Variants in TAF15 observed in about 807,000 individuals in gnomAD.
The protein encoded by TAF15 is TATA-binding protein-associated factor 2N.
Under a neutral mutation model 102.5 loss-of-function variants are expected in TAF15, and 37 were observed. The observed-to-expected ratio is 0.36, with a 90% confidence interval of 0.28 to 0.47. The LOEUF is 0.47. Among genes scored for constraint, TAF15 ranks in the 20% least tolerant of loss-of-function variants. The pLI is 0.99. For synonymous variants in TAF15, 273 were observed against 259.2 expected (o/e 1.05, Z -0.51); for missense variants, 652 against 760.7 (o/e 0.86, Z 1.68).
At chr17:35,838,788 A>G (rs1359836784) in intron 11 of TAF15, among the ~76,000 whole-genome samples, 3 of 152,222 alleles carry the variant, frequency 2.0e-5, no homozygotes, top group African/African-American at 7.2e-5. Flanking sequence ...ACAGATGTAG[A>G]GAGTTGGCCT....
intron 7 of TAF15, chr17:35,833,704 A>T (rs886243242): frequency 1.5e-5 from 9 of 585,178 alleles, no homozygotes. Flanking sequence ...GCTTGAAAAG[A>T]CATCTTGTGG....
chr17:35,813,383 C>A (rs553485635), intron 1 of TAF15, among the ~76,000 whole-genome samples: 1 of 152,166 alleles, frequency 6.6e-6, no homozygotes, highest in Admixed American at 6.5e-5. Flanking sequence ...CCTATAATCC[C>A]AGCACTTTAA....
intron 10 of TAF15, 117 bp downstream of exon 10, chr17:35,836,358 C>T (rs894938178): frequency 8.3e-6 from 6 of 723,952 alleles, no homozygotes; most frequent in Non-Finnish European, 1.4e-5. Flanking sequence ...TTTTGTGATG[C>T]ACATGCTCGT....
chr17:35,828,742 C>T (rs2087361001), intron 7 of TAF15, among the ~76,000 whole-genome samples: 1 of 151,028 alleles, frequency 6.6e-6, no homozygotes, highest in East Asian at 1.9e-4. Flanking sequence ...GGTCAAATTC[C>T]ATTTCCCCCT....
At chr17:35,830,365 TC>T (rs1217138111) in intron 7 of TAF15, 3 of 152,240 alleles carry the variant, frequency 2.0e-5, no homozygotes, top group African/African-American at 7.2e-5. Context: ...ATATTGTGTT[TC>T]TGTTAAATAT....
Position 35,844,630 on chromosome 17 carries a change from G to A in TAF15, c.1331G>A (p.Gly444Asp). The A allele has an allele frequency of 1.9e-6, 3 of 1,605,098 alleles. No individual in the cohort carries two copies. The highest frequency in any genetic ancestry group is 2.6e-6 in the Non-Finnish European group (3 of 1,174,872). The change falls in exon 15 of 16, where the codon GGC becomes GAC. Residue 444 changes from glycine (G) to aspartate (D), a missense_variant. By Grantham distance (94) the Gly-to-Asp change is moderately conservative. Coordinates refer to ENST00000605844, the MANE Select transcript of TAF15 (RefSeq NM_139215.3). ...GGCTACAGCGGAGATAGAAGTGGGG[G>A]CGGCTATGGTGGAGACAGAAGTGGG... ...GGGYSGDRSG[G>D]GYGGDRSGGG...
rs748485870 is a variant in TAF15, at chr17:35,820,018, T to C, written c.48-6T>C. 1.2e-6 allele frequency: 2 copies of C among 1,613,574 alleles called. No homozygotes were observed. The highest frequency in any genetic ancestry group is 2.2e-5 in the East Asian group (1 of 44,880). On this transcript the variant is annotated splice_region_variant and splice_polypyrimidine_tract_variant and intron_variant, in intron 2 of 15. Transcript: ENST00000605844. ...TTCTTTCAAGTATTAAATTTTTCTTTTGCAGTTATTCTACCTATGGAAATC... is the reference window on the plus strand; with the variant it reads ...TTCTTTCAAGTATTAAATTTTTCTTCTGCAGTTATTCTACCTATGGAAATC...
At chr17:35,821,254 G>A (rs2087254763) in intron 5 of TAF15, among the ~76,000 whole-genome samples, 1 of 152,168 alleles carries the variant, frequency 6.6e-6, no homozygotes, top group Non-Finnish European at 1.5e-5. Flanking sequence ...AGATGTGAGA[G>A]TGTTTTGAAA....
At chr17:35,823,690 G>A in intron 6 of TAF15, 1 of 292,334 alleles carries the variant, frequency 3.4e-6, no homozygotes, top group Non-Finnish European at 6.5e-6. Flanking sequence ...GGGCTACAGA[G>A]CGAGACTCTT....
intron 7 of TAF15, among the ~76,000 whole-genome samples, chr17:35,831,813 TG>T (rs1261119661): frequency 8.5e-5 from 13 of 152,308 alleles, no homozygotes; most frequent in African/African-American, 3.1e-4. Flanking sequence ...CCGGGCGTGG[TG>T]GCTCACACCT....
At chr17:35,817,098 G>C (rs147389890) in intron 1 of TAF15, 1 of 152,372 alleles carries the variant, frequency 6.6e-6, no homozygotes. Context: ...CACCATGCCC[G>C]GTCCCTTGGT....
intron 9 of TAF15, 127 bp downstream of exon 9, chr17:35,834,725 T>C (rs2087450883): frequency 6.3e-6 from 4 of 636,914 alleles, no homozygotes; most frequent in Non-Finnish European, 8.0e-6. Flanking sequence ...CTGCCAGAAC[T>C]GGGGAGCTTT....
At chr17:35,843,973 C>A in intron 12 of TAF15, 104 bp from the exon 13 acceptor site, 1 of 1,002,448 alleles carries the variant, frequency 1.0e-6, no homozygotes, top group Non-Finnish European at 1.6e-6. Flanking sequence ...TTGCAGAGTG[C>A]TGCCTAAGTA....
intron 15 of TAF15, among the ~76,000 whole-genome samples, chr17:35,845,531 C>T (rs904819378): frequency 2.0e-5 from 3 of 152,216 alleles, no homozygotes; most frequent in African/African-American, 7.2e-5. Context: ...GTTTGGATTA[C>T]AGATGTGAGC....
Position 35,836,349 on chromosome 17 carries a change from T to C in TAF15, c.783+108T>C. Reference sequence around the variant, plus strand: ...TTCAGTACGCCTTGTCTCTTAAAATTTTGTGATGCACATGCTCGTTTATGT... The same window carrying C: ...TTCAGTACGCCTTGTCTCTTAAAATCTTGTGATGCACATGCTCGTTTATGT... On this transcript the variant is annotated intron_variant, in intron 10 of 15. Transcript: ENST00000605844. 5 of 782,994 alleles carry C rather than the reference T, an allele frequency of 6.4e-6. No individual in the cohort carries two copies. The South Asian group carries it at 8.0e-5, about 13-fold the overall frequency. 48.5% of individuals were successfully genotyped at this position (782,994 alleles called of 1,614,324 possible). A position where few individuals can be genotyped will look rare whatever the true frequency, so the allele number is the denominator to read the frequency against.
At chr17:35,824,033 A>G in intron 6 of TAF15, 45 bp from the exon 7 acceptor site, 4 of 1,613,814 alleles carry the variant, frequency 2.5e-6, no homozygotes, top group Non-Finnish European at 3.4e-6. Flanking sequence ...TTGAAGCTTT[A>G]GAAATGAGAG....
chr17:35,815,274 A>G (rs1413246025), intron 1 of TAF15, among the ~76,000 whole-genome samples: 1 of 152,262 alleles, frequency 6.6e-6, no homozygotes, highest in Non-Finnish European at 1.5e-5. Context: ...TCGTAGGTCC[A>G]GACACAAAGC....
rs1224275609 is a variant in TAF15, at chr17:35,843,675, A to G, written c.1007-402A>G. ...GACATAATGCTCAAAGGAAATGGTC[A>G]TGGTCATTGAAGCATTTCAGGTTTT... On this transcript the variant is annotated intron_variant, in intron 12 of 15. Coordinates refer to ENST00000605844, the MANE Select transcript of TAF15 (RefSeq NM_139215.3). Among the ~76,000 whole-genome samples, 4 of 152,286 alleles carry G rather than the reference A, an allele frequency of 2.6e-5. No homozygotes were observed. In the South Asian group the frequency reaches 6.2e-4, roughly 24 times the overall value.
At chr17:35,836,316 C>A in intron 10 of TAF15, 75 bp downstream of exon 10, 1 of 1,065,434 alleles carries the variant, frequency 9.4e-7, no homozygotes, top group South Asian at 1.3e-5. Flanking sequence ...TGTAGTAAGC[C>A]TACATACTTC....
Sources: allele counts gnomAD v4.1 joint callset (sites outside exome capture counted in the v4.1 genomes callset), GRCh38; gene constraint gnomAD v4.1.1; transcripts MANE v1.5; gene names NCBI Gene and HGNC (gene_info 2026-07-23, HGNC 2026-07-21).